TMTC2: variants seen among roughly 807,000 people sequenced by gnomAD.
TMTC2 encodes protein O-mannosyl-transferase TMTC2.
Under a neutral mutation model 82.4 loss-of-function variants are expected in TMTC2, and 43 were observed. The observed-to-expected ratio is 0.52, with a 90% CI of 0.41 to 0.67. The LOEUF (loss-of-function observed/expected upper bound fraction) is 0.67, where lower values mean the gene tolerates loss of function less well. TMTC2 is among the 30% of genes least tolerant of loss of function. TMTC2 has a pLI of 0.00. For missense variants in TMTC2, 919 were observed against 1,012.4 expected, an observed-to-expected ratio of 0.91 and a Z score of 1.25; for synonymous variants, 408 against 381.9, an observed-to-expected ratio of 1.07 and a Z score of -0.80.
intron 1 of TMTC2, among the ~76,000 whole-genome samples, chr12:82,739,669 G>A (rs1408609385): frequency 6.7e-6 from 1 of 150,370 alleles, no homozygotes; most frequent in Non-Finnish European, 1.5e-5. Context: ...ACAATCATTG[G>A]TCAATAAACC....
At chr12:82,993,351 T>G (rs1344895369) in intron 8 of TMTC2, among the ~76,000 whole-genome samples, 1 of 146,344 alleles carries the variant, frequency 6.8e-6, no homozygotes, top group South Asian at 2.3e-4. Flanking sequence ...GTTTGAACTG[T>G]GCAGGTCTAC....
At chr12:82,811,856 C>T (rs193050438) in intron 1 of TMTC2, among the ~76,000 whole-genome samples, 2,634 of 127,800 alleles carry the variant, frequency 0.021, 44 homozygotes, top group Non-Finnish European at 0.03. Flanking sequence ...CTCGCTCTGT[C>T]GCCCAGGCTG....
chr12:82,843,163 T>C (rs1870437694), intron 1 of TMTC2, among the ~76,000 whole-genome samples: 1 of 152,096 alleles, frequency 6.6e-6, no homozygotes. Flanking sequence ...CTCGGCTCAC[T>C]GCAATCTCTG....
chr12:82,720,616 A>G (rs779668224), intron 1 of TMTC2, among the ~76,000 whole-genome samples: 15 of 152,224 alleles, frequency 9.9e-5, no homozygotes, highest in Non-Finnish European at 1.8e-4. Context: ...GTGGAACTGC[A>G]GATACGATCA....
intron 1 of TMTC2, among the ~76,000 whole-genome samples, chr12:82,801,245 G>A (rs889298547): frequency 6.6e-5 from 10 of 152,100 alleles, no homozygotes; most frequent in African/African-American, 1.4e-4. Context: ...TCTTAAAGGC[G>A]GTGTGTCCGG....
At chr12:82,747,986 T>G (rs1875776926) in intron 1 of TMTC2, among the ~76,000 whole-genome samples, 1 of 152,198 alleles carries the variant, frequency 6.6e-6, no homozygotes, top group South Asian at 2.1e-4. Flanking sequence ...TTATTTGTTT[T>G]CTAAATTCAA....
chr12:83,035,747 C>T (rs61929872), intron 9 of TMTC2, among the ~76,000 whole-genome samples: 6 of 152,158 alleles, frequency 3.9e-5, no homozygotes, highest in South Asian at 2.1e-4. Context: ...TCTGTGAATT[C>T]CCCTGTACTC....
rs574044722 is a variant in TMTC2, at chr12:82,918,337, T to C, written c.1484-12094T>C. The stretch of plus-strand genomic sequence containing the variant: ...AGATGACTGGCAAGATTGCAATTTT[T>C]ACCTCCTCATGGAAGTAACACTTTG... On this transcript the variant is annotated intron_variant, in intron 3 of 11. Transcript: ENST00000321196. Among the ~76,000 whole-genome samples, 13 of 152,358 alleles carry C rather than the reference T, an allele frequency of 8.5e-5. No individual in the cohort carries two copies. The South Asian group carries it at 2.7e-3, about 32-fold the overall frequency.
At chr12:82,736,800 A>C (rs1299199186) in intron 1 of TMTC2, among the ~76,000 whole-genome samples, 1 of 152,216 alleles carries the variant, frequency 6.6e-6, no homozygotes, top group Non-Finnish European at 1.5e-5. Flanking sequence ...AGATAGTTAG[A>C]AAAGGAAAAT....
chr12:82,700,197 G>A (rs1437705383), intron 1 of TMTC2, among the ~76,000 whole-genome samples: 3 of 152,070 alleles, frequency 2.0e-5, no homozygotes, highest in African/African-American at 4.8e-5. Flanking sequence ...TTTATCCTCT[G>A]TTCTCTCTTA....
intron 1 of TMTC2, among the ~76,000 whole-genome samples, chr12:82,780,590 T>G (rs879680850): frequency 2.0e-5 from 3 of 152,134 alleles, no homozygotes; most frequent in Admixed American, 6.5e-5. Context: ...CTTCTTTGCT[T>G]CTTATGTCAA....
At chr12:83,052,798 G>A (rs1882402504) in intron 10 of TMTC2, among the ~76,000 whole-genome samples, 2 of 152,046 alleles carry the variant, frequency 1.3e-5, no homozygotes, top group South Asian at 2.1e-4. Context: ...CCAGTGGAAA[G>A]TTTTTGTTAT....
chr12:82,722,533 C>G (rs940575420), intron 1 of TMTC2, among the ~76,000 whole-genome samples: 1 of 133,610 alleles, frequency 7.5e-6, no homozygotes, highest in East Asian at 2.2e-4. Flanking sequence ...TGCCACTGCA[C>G]TCCAGCCTGG....
At chr12:82,697,707 T>C (rs1431302893) in intron 1 of TMTC2, among the ~76,000 whole-genome samples, 1 of 152,222 alleles carries the variant, frequency 6.6e-6, no homozygotes, top group African/African-American at 2.4e-5. Flanking sequence ...AACAATGTCA[T>C]CTTCTTTGTA....
At position 82,799,154 on chromosome 12, in the gene TMTC2, T is replaced by G. The variant is rs533018847; in HGVS notation, c.84-57856T>G. Among the ~76,000 whole-genome samples, 16 of 152,260 alleles carry G rather than the reference T, an allele frequency of 1.1e-4. No homozygotes were observed. The South Asian group carries it at 3.1e-3, about 30-fold the overall frequency. ...CCTATAACTTTATGTAGAATTCTTA[T>G]GCTCATGATAGCACTGATTTTAAAA... On this transcript the variant is annotated intron_variant, in intron 1 of 11. Transcript: ENST00000321196.
chr12:82,926,809 C>T (rs1035493266), intron 3 of TMTC2, among the ~76,000 whole-genome samples: 5 of 152,150 alleles, frequency 3.3e-5, no homozygotes, highest in African/African-American at 1.2e-4. Context: ...TGTTTATGCT[C>T]TGTAAGTGGA....
chr12:83,043,173 T>G (rs1377738744), intron 9 of TMTC2, among the ~76,000 whole-genome samples: 2 of 152,184 alleles, frequency 1.3e-5, no homozygotes, highest in African/African-American at 4.8e-5. Flanking sequence ...AAGGCTCCTT[T>G]CAGAGAGGCA....
intron 7 of TMTC2, among the ~76,000 whole-genome samples, chr12:82,984,680 T>C (rs1431712525): frequency 6.6e-6 from 1 of 152,220 alleles, no homozygotes; most frequent in African/African-American, 2.4e-5. Flanking sequence ...ATAGTGTCTC[T>C]ACATTTGCAG....
intron 11 of TMTC2, among the ~76,000 whole-genome samples, chr12:83,062,455 CT>C (rs1882777520): frequency 6.6e-6 from 1 of 151,774 alleles, no homozygotes; most frequent in African/African-American, 2.4e-5. Context: ...CAACACATCT[CT>C]GAACTCCAAC....
Sources: gnomAD v4.1 joint callset for allele counts (sites outside exome capture counted in the v4.1 genomes callset) on GRCh38, gnomAD v4.1.1 for gene constraint, MANE v1.5 for transcripts, NCBI Gene and HGNC (gene_info 2026-07-23, HGNC 2026-07-21) for gene names.